The following TRIM35 variants were observed in gnomAD, a reference collection of about 807,000 sequenced individuals.
The protein encoded by TRIM35 is tripartite motif containing 35.
A neutral mutation model predicts 49.1 loss-of-function variants in TRIM35; 37 were observed. The ratio of observed to expected loss-of-function variants is 0.75; its 90% CI spans 0.58 to 0.99. The LOEUF (loss-of-function observed/expected upper bound fraction) is 0.99. TRIM35 is among the 50% of genes least tolerant of loss of function. The pLI is 0.00. For missense variants in TRIM35, 648 were observed against 702.7 expected (o/e 0.92, Z 0.88); for synonymous variants, 302 against 289.3 (o/e 1.04, Z -0.45).
At chr8:27,297,494 CTCAT>C (rs111317471) in intron 2 of TRIM35, among the ~76,000 whole-genome samples, 38 of 152,320 alleles carry the variant, frequency 2.5e-4, no homozygotes, top group African/African-American at 7.2e-4. Flanking sequence ...ACCCACTTCA[CTCAT>C]TCAATCAACA....
At position 27,294,418 on chromosome 8, in the gene TRIM35, T is replaced by C. The variant is rs575421201; in HGVS notation, c.532-108A>G. 72 of 1,009,776 alleles carry C rather than the reference T, an allele frequency of 7.1e-5. 1 individual carries two copies. The highest frequency in any genetic ancestry group is 8.4e-5 in the South Asian group (5 of 59,360). The allele number at this position is 1,009,776 out of a possible 1,614,324, so 62.6% of individuals were successfully genotyped here. On this transcript the variant is annotated intron_variant, in intron 2 of 5. Transcript: ENST00000305364. ...GAAATTTATGTTCAAATAAATCATG[T>C]ATAGAACCCCTACAGATAAAATATC...
In TRIM35 at chr8:27,298,364, C is replaced by A. The variant is rs1802612533; in HGVS notation, c.531+100G>T. On this transcript the variant is annotated intron_variant, in intron 2 of 5. Coordinates refer to ENST00000305364, the MANE Select transcript of TRIM35 (RefSeq NM_171982.5). ...GGTAAGGCAGCCGACCTCTACCCAG[C>A]GGGTTATGTGAGCCAAAGCCACGGC... is the stretch of plus-strand genomic sequence containing the variant. 3.6e-6 allele frequency: 4 copies of A among 1,103,736 alleles called. No homozygotes were observed. In the South Asian group the frequency reaches 3.9e-5, roughly 11 times the overall value. The allele number at this position is 1,103,736 out of a possible 1,614,324, so 68.4% of individuals were successfully genotyped here.
chr8:27,308,175 C>G (rs1022992583), intron 1 of TRIM35, among the ~76,000 whole-genome samples: 1 of 151,378 alleles, frequency 6.6e-6, no homozygotes, highest in Non-Finnish European at 1.5e-5. Flanking sequence ...TTTAGGACTT[C>G]CAACCTCCAG....
chr8:27,301,272 C>T (rs932623836), intron 1 of TRIM35, among the ~76,000 whole-genome samples: 1 of 152,104 alleles, frequency 6.6e-6, no homozygotes, highest in African/African-American at 2.4e-5. Context: ...ACTGTGAGTC[C>T]CATTATACAG....
At chr8:27,308,778 G>A (rs563657032) in intron 1 of TRIM35, among the ~76,000 whole-genome samples, 4 of 152,236 alleles carry the variant, frequency 2.6e-5, no homozygotes, top group African/African-American at 9.6e-5. Context: ...CTCAGCCCCT[G>A]ACATCATCCT....
chr8:27,285,862 T>C lies in TRIM35; in HGVS notation c.*1688A>G. On this transcript the variant is annotated 3_prime_UTR_variant, in exon 6 of 6. Coordinates refer to ENST00000305364, the MANE Select transcript of TRIM35 (RefSeq NM_171982.5). ...TTGGCTCCCAAAGGGCTTGGAGCTT[T>C]TGTGAGGCTGAGCATCTTCCAACCA... The C allele has an allele frequency of 3.8e-6, 1 of 265,174 alleles. No homozygotes were observed. The highest frequency in any genetic ancestry group is 3.9e-5 in the South Asian group (1 of 25,804). 16.4% of individuals were successfully genotyped at this position (265,174 alleles called of 1,614,324 possible).
Position 27,289,234 on chromosome 8 carries a change from T to C in TRIM35, c.832A>G (p.Ile278Val), listed in dbSNP as rs141198602. 2 of 1,614,156 alleles carry C rather than the reference T, an allele frequency of 1.2e-6. No homozygotes were observed. Among genetic ancestry groups the C allele is most frequent in the South Asian group, 1.1e-5 (1 of 91,086 alleles). ...EPEPVQPGMLIDVCKYLGSLQ... is the reference protein window; with the variant it reads ...EPEPVQPGMLVDVCKYLGSLQ... The stretch of plus-strand genomic sequence containing the variant: ...GAGCCCAGGTACTTGCAGACATCGA[T>C]AAGCATGCCGGGCTGGACTGGCTCT... The change falls in exon 5 of 6, where the codon ATC becomes GTC. Residue 278 changes from isoleucine (I) to valine (V), a missense_variant. Ile to Val is a conservative substitution (Grantham distance 29). Transcript: ENST00000305364.
Position 27,287,849 on chromosome 8 carries a change from C to A in TRIM35, c.1183G>T (p.Gly395Cys). 1 of 1,612,872 alleles carries A rather than the reference C, an allele frequency of 6.2e-7. No homozygotes were observed. Among genetic ancestry groups the A allele is most frequent in the East Asian group, 2.2e-5 (1 of 44,852 alleles). Residue 395 changes from glycine (G) to cysteine (C), a missense_variant, in exon 6 of 6, where the codon GGC becomes TGC. Coordinates refer to ENST00000305364, the MANE Select transcript of TRIM35 (RefSeq NM_171982.5). This position sits in a 1 kb window ranked among gnomAD's most constrained non-coding sequence, Gnocchi z 6.0. ...SHSCYHDTRS[G>C]FWYVCRTQGV... Reference sequence around the variant, plus strand: ...TGCGTGCGGCAGACATACCAGAAGCCCGAGCGTGTGTCGTGGTAGCAGCTG... The same window carrying A: ...TGCGTGCGGCAGACATACCAGAAGCACGAGCGTGTGTCGTGGTAGCAGCTG...
intron 3 of TRIM35, among the ~76,000 whole-genome samples, chr8:27,291,855 G>C (rs1471896140): frequency 6.6e-6 from 1 of 152,150 alleles, no homozygotes; most frequent in Non-Finnish European, 1.5e-5. Flanking sequence ...AAGAGCAAGA[G>C]AGCAAGAGGG....
chr8:27,288,190 A>G (rs567846809), intron 5 of TRIM35, 63 bp from the exon 6 acceptor site: 12 of 1,479,520 alleles, frequency 8.1e-6, no homozygotes, highest in Non-Finnish European at 1.1e-5. Context: ...ACACGTGGAT[A>G]TCTCCAGCCC....
At chr8:27,298,040 T>C (rs1192719184) in intron 2 of TRIM35, among the ~76,000 whole-genome samples, 1 of 152,134 alleles carries the variant, frequency 6.6e-6, no homozygotes, top group Non-Finnish European at 1.5e-5. Context: ...GAGATGATGA[T>C]GACCTGGACC....
At chr8:27,296,467 T>A (rs1802569563) in intron 2 of TRIM35, among the ~76,000 whole-genome samples, 1 of 152,206 alleles carries the variant, frequency 6.6e-6, no homozygotes, top group Non-Finnish European at 1.5e-5. Flanking sequence ...ACTTTCCTCA[T>A]CGACCTGATA....
chr8:27,293,917 T>C, intron 3 of TRIM35, 163 bp downstream of exon 3: 1 of 636,616 alleles, frequency 1.6e-6, no homozygotes, highest in South Asian at 2.0e-5. Flanking sequence ...ATAAGTCTTT[T>C]TAGTTTCATG....
intron 1 of TRIM35, among the ~76,000 whole-genome samples, chr8:27,307,242 G>A (rs1445864980): frequency 6.6e-6 from 1 of 152,024 alleles, no homozygotes; most frequent in African/African-American, 2.4e-5. Context: ...CCTAAGCAGG[G>A]CCCTCTGTGT....
rs148754395 is a variant in TRIM35 at position 27,296,937 on chromosome 8, A to G, written c.531+1527T>C. 5.0e-3 allele frequency among the ~76,000 whole-genome samples: 768 copies of G among 152,334 alleles called. 8 individuals carry two copies. The highest frequency in any genetic ancestry group is 0.018 in the African/African-American group (744 of 41,574). ...GGACTTGTCTCTGTTGGGCACTTGTATGCATTATCTTATCTAAATTTTTTT... is the reference window on the plus strand; with the variant it reads ...GGACTTGTCTCTGTTGGGCACTTGTGTGCATTATCTTATCTAAATTTTTTT... On this transcript the variant is annotated intron_variant, in intron 2 of 5. Coordinates refer to ENST00000305364, the MANE Select transcript of TRIM35 (RefSeq NM_171982.5).
At position 27,310,860 on chromosome 8, in the gene TRIM35, C is replaced by A. The variant is rs1224213865; in HGVS notation, c.376G>T (p.Asp126Tyr). ...KELLCCSCQA[D>Y]PRHQGHRVQP... ...ACGCGGTGCCCCTGGTGTCGGGGGTCGGCCTGGCAGGAGCAGCACAGCAGC... is the reference window on the plus strand; with the variant it reads ...ACGCGGTGCCCCTGGTGTCGGGGGTAGGCCTGGCAGGAGCAGCACAGCAGC... Residue 126 changes from aspartate (D) to tyrosine (Y), a missense_variant, in exon 1 of 6, where the codon GAC becomes TAC. Physicochemically the swap from Asp to Tyr is radical, Grantham distance 160 (BLOSUM62 -3). Coordinates refer to ENST00000305364, the MANE Select transcript of TRIM35 (RefSeq NM_171982.5). 1 of 1,610,188 alleles carries A rather than the reference C, an allele frequency of 6.2e-7. No individual in the cohort carries two copies. Among genetic ancestry groups the A allele is most frequent in the Non-Finnish European group, 8.5e-7 (1 of 1,177,630 alleles).
intron 2 of TRIM35, among the ~76,000 whole-genome samples, chr8:27,296,064 T>C (rs920157803): frequency 1.3e-5 from 2 of 151,210 alleles, no homozygotes; most frequent in African/African-American, 4.9e-5. Flanking sequence ...ATCAAAGAAA[T>C]GCAAATGAGG....
Position 27,289,180 on chromosome 8 carries a change from G to A in TRIM35, c.886C>T (p.Leu296Phe). 1 of 1,613,954 alleles carries A rather than the reference G, an allele frequency of 6.2e-7. No individual in the cohort carries two copies. Among genetic ancestry groups the A allele is most frequent in the Non-Finnish European group, 8.5e-7 (1 of 1,179,864 alleles). ...CGCTCACCAGATTCCACAGATGCAAGCATCTTCTTCCAGACGCGGTACTGC... is the reference window on the plus strand; with the variant it reads ...CGCTCACCAGATTCCACAGATGCAAACATCTTCTTCCAGACGCGGTACTGC... ...SLQYRVWKKM[L>F]ASVESVPFSF... Residue 296 changes from leucine (L) to phenylalanine (F), a missense_variant, in exon 5 of 6, where the codon CTT (leucine) becomes TTT (phenylalanine). Physicochemically the swap from Leu to Phe is conservative, Grantham distance 22. Coordinates refer to ENST00000305364, the MANE Select transcript of TRIM35 (RefSeq NM_171982.5).
In TRIM35 at chr8:27,285,299, TG is replaced by T. The variant is rs1802288264; in HGVS notation, c.*2250del. 6.6e-6 allele frequency: 1 copy of T among 152,224 alleles called. No individual in the cohort carries two copies. Among genetic ancestry groups the T allele is most frequent in the Non-Finnish European group, 1.5e-5 (1 of 68,046 alleles). 9.4% of individuals were successfully genotyped at this position (152,224 alleles called of 1,614,324 possible). On this transcript the variant is annotated 3_prime_UTR_variant, in exon 6 of 6. Transcript: ENST00000305364. The stretch of plus-strand genomic sequence containing the variant: ...TGTGTCACCACATTGGAAAACAGTT[TG>T]GGAGTCCCTCAAGGGTTAAATAGAG...
Sources: gnomAD v4.1 joint callset for allele counts (sites outside exome capture counted in the v4.1 genomes callset) on GRCh38, gnomAD v4.1.1 for gene constraint, Gnocchi (gnomAD v3.1) non-coding constraint, MANE v1.5 for transcripts, NCBI Gene and HGNC (gene_info 2026-07-23, HGNC 2026-07-21) for gene names.